Variants in TMEM178A observed in about 807,000 individuals in gnomAD.
TMEM178A encodes the protein transmembrane protein 178.
In TMEM178A, 12 loss-of-function variants were observed where a neutral mutation model predicts 29.1. That is an observed-to-expected ratio of 0.41 (90% confidence interval 0.26 to 0.67). TMEM178A has a LOEUF of 0.67. Ranked by LOEUF, TMEM178A falls within the 30% of genes least tolerant of loss-of-function variation. The pLI, the probability that TMEM178A is intolerant of heterozygous loss-of-function variation, is 0.29. For missense variants in TMEM178A, 366 were observed against 419.1 expected (o/e 0.87, Z 1.11); for synonymous variants, 210 against 187.2 (o/e 1.12, Z -0.99).
chr2:39,669,814 T>C (rs936083007), intron 1 of TMEM178A, among the ~76,000 whole-genome samples: 2 of 152,244 alleles, frequency 1.3e-5, no homozygotes, highest in Admixed American at 6.5e-5. Context: ...TGGGATAACA[T>C]GATAACTTAT....
intron 1 of TMEM178A, among the ~76,000 whole-genome samples, chr2:39,676,771 A>C (rs985048679): frequency 6.6e-6 from 1 of 152,154 alleles, no homozygotes; most frequent in African/African-American, 2.4e-5. Context: ...CGGCAGTCCC[A>C]TCCTGCCTAT....
At chr2:39,692,459 G>A (rs1041908067) in intron 1 of TMEM178A, among the ~76,000 whole-genome samples, 1 of 152,056 alleles carries the variant, frequency 6.6e-6, no homozygotes, top group Non-Finnish European at 1.5e-5. Context: ...AATAAAAATG[G>A]CTAAGATGGT....
At chr2:39,712,543 C>A (rs1373948226) in intron 3 of TMEM178A, among the ~76,000 whole-genome samples, 1 of 152,086 alleles carries the variant, frequency 6.6e-6, no homozygotes, top group Admixed American at 6.5e-5. Context: ...TGGCAGAAAA[C>A]CTTTTAATAT....
intron 1 of TMEM178A, among the ~76,000 whole-genome samples, chr2:39,701,883 T>C (rs1671797617): frequency 6.6e-6 from 1 of 152,204 alleles, no homozygotes; most frequent in Non-Finnish European, 1.5e-5. Flanking sequence ...TCTATTTTTT[T>C]CTTTACAAGA....
the TMEM178A span, among the ~76,000 whole-genome samples, chr2:39,733,576 C>T: frequency 6.6e-6 from 1 of 152,086 alleles, no homozygotes; most frequent in East Asian, 1.9e-4. Context: ...GTGACATTGC[C>T]CTTTTCTTGG....
downstream of TMEM178A, among the ~76,000 whole-genome samples, chr2:39,719,722 A>C (rs763465291): frequency 1.2e-4 from 18 of 151,034 alleles, no homozygotes; most frequent in Middle Eastern, 3.4e-3. Context: ...TGTCCCACAC[A>C]CCCCCCTTTT....
At chr2:39,731,337 A>C in the TMEM178A span, among the ~76,000 whole-genome samples, 1 of 152,212 alleles carries the variant, frequency 6.6e-6, no homozygotes, top group Non-Finnish European at 1.5e-5. Flanking sequence ...TTGATAAAGA[A>C]AAGTTGTTTA....
intron 1 of TMEM178A, among the ~76,000 whole-genome samples, chr2:39,672,476 C>G (rs1351357222): frequency 6.6e-6 from 1 of 152,118 alleles, no homozygotes; most frequent in Non-Finnish European, 1.5e-5. Flanking sequence ...AAAAAGAGCC[C>G]TCGAACCCCA....
At chr2:39,679,216 T>G (rs968639833) in intron 1 of TMEM178A, among the ~76,000 whole-genome samples, 3 of 152,212 alleles carry the variant, frequency 2.0e-5, no homozygotes, top group Admixed American at 6.5e-5. Flanking sequence ...ATAGAATGGT[T>G]GTTGAAATTT....
rs554572400 is a variant in TMEM178A, at chr2:39,707,093, G to A, written c.559G>A (p.Val187Ile). The change falls in exon 3 of 4, where the codon GTC becomes ATC. Residue 187 changes from valine to isoleucine, a missense_variant. By Grantham distance (29) the Val-to-Ile change is conservative (BLOSUM62 3). This residue lies in a region of TMEM178A where 119 missense variants were observed against 172.2 expected (regional missense o/e 0.69). Coordinates refer to ENST00000281961, the MANE Select transcript of TMEM178A (RefSeq NM_152390.3). Reference protein sequence around the residue: ...TAGFLGMAVAVLLCGCIVATV... With the variant: ...TAGFLGMAVAILLCGCIVATV... ...TGGCTTCCTCGGCATGGCCGTAGCC[G>A]TCCTTCTCTGCGGCTGCATTGTGGC... is the stretch of plus-strand genomic sequence containing the variant. 2.6e-5 allele frequency: 42 copies of A among 1,614,074 alleles called. No individual in the cohort carries two copies. Among genetic ancestry groups the A allele is most frequent in the South Asian group, 3.3e-5 (3 of 91,048 alleles).
chr2:39,714,334 G>A (rs1259928269), intron 3 of TMEM178A, among the ~76,000 whole-genome samples: 1 of 151,766 alleles, frequency 6.6e-6, no homozygotes, highest in Non-Finnish European at 1.5e-5. Context: ...CTGCATCAAA[G>A]TTTGATGCGT....
chr2:39,711,085 G>T (rs1672280027), intron 3 of TMEM178A, among the ~76,000 whole-genome samples: 1 of 152,136 alleles, frequency 6.6e-6, no homozygotes, highest in African/African-American at 2.4e-5. Flanking sequence ...TCTCCCACCG[G>T]CCTTGAATTT....
chr2:39,721,658 C>T (rs781345392), downstream of TMEM178A, among the ~76,000 whole-genome samples: 28 of 151,934 alleles, frequency 1.8e-4, no homozygotes, highest in Middle Eastern at 3.2e-3. Flanking sequence ...TGAAAACAAA[C>T]GGCCTAAAAA....
chr2:39,680,788 T>C (rs1025008037), intron 1 of TMEM178A, among the ~76,000 whole-genome samples: 1 of 152,196 alleles, frequency 6.6e-6, no homozygotes, highest in Non-Finnish European at 1.5e-5. Flanking sequence ...ACATTGTAGG[T>C]TTATTCCTTC....
intron 1 of TMEM178A, among the ~76,000 whole-genome samples, chr2:39,683,131 A>G (rs1348946055): frequency 2.0e-5 from 3 of 152,222 alleles, no homozygotes; most frequent in Non-Finnish European, 4.4e-5. Flanking sequence ...CTGTATTTAC[A>G]GGCAAATGCC....
At chr2:39,680,935 A>T (rs909124921) in intron 1 of TMEM178A, among the ~76,000 whole-genome samples, 4 of 152,126 alleles carry the variant, frequency 2.6e-5, no homozygotes, top group Non-Finnish European at 5.9e-5. Flanking sequence ...CCTGGAAGTT[A>T]TACTTAATCA....
In TMEM178A at chr2:39,717,428, G is replaced by T. The variant is rs1672594565; in HGVS notation, c.*177G>T. On this transcript the variant is annotated 3_prime_UTR_variant, in exon 4 of 4. Transcript: ENST00000281961. ...CAACCTTTCTAAGGACAAGACTACT[G>T]TGGATTCAAGTGCTTTAATGACTAT... The T allele has an allele frequency of 2.4e-6, 2 of 823,366 alleles. No homozygotes were observed. The highest frequency in any genetic ancestry group is 5.5e-5 in the East Asian group (2 of 36,236). The allele number at this position is 823,366 out of a possible 1,614,324, so 51.0% of individuals were successfully genotyped here. A position where few individuals can be genotyped will look rare whatever the true frequency, so the allele number is the denominator to read the frequency against.
At chr2:39,706,912 GC>G in intron 2 of TMEM178A, 136 bp from the exon 3 acceptor site, 1 of 952,172 alleles carries the variant, frequency 1.1e-6, no homozygotes, top group Non-Finnish European at 1.5e-6. Context: ...TATTCCCTAT[GC>G]CTCCTTGTCC....
At chr2:39,665,761 G>A, upstream of TMEM178A, 1 of 400,506 alleles carries the variant, frequency 2.5e-6, no homozygotes, top group South Asian at 1.1e-4. Context: ...GGAGCCCGGG[G>A]GCCGGGCCGG....
Sources: gnomAD v4.1 joint callset for allele counts (sites outside exome capture counted in the v4.1 genomes callset) on GRCh38, gnomAD v4.1.1 for gene constraint, gnomAD v4.1.1 regional missense constraint, MANE v1.5 for transcripts, NCBI Gene and HGNC (gene_info 2026-07-23, HGNC 2026-07-21) for gene names.